The following TREML1 variants were observed in gnomAD, a reference collection of about 807,000 sequenced individuals.
TREML1 encodes triggering receptor expressed on myeloid cells like 1, also known as trem-like transcript 1 protein.
A neutral mutation model predicts 22.8 loss-of-function variants in TREML1; 27 were observed. The ratio of observed to expected loss-of-function variants is 1.19; its 90% CI spans 0.87 to 1.64. The LOEUF is 1.64. Ranked by LOEUF, TREML1 falls within the 40% of genes most tolerant of loss-of-function variation. The probability of loss-of-function intolerance (pLI) is 0.00; values close to 1 mark genes in which losing one functional copy is unlikely to be tolerated. For missense variants in TREML1, 356 were observed against 382.0 expected, an observed-to-expected ratio of 0.93 and a Z score of 0.57; for synonymous variants, 153 against 161.9, an observed-to-expected ratio of 0.94 and a Z score of 0.42.
At chr6:41,150,345 C>T in intron 4 of TREML1, 32 bp from the exon 5 acceptor site, 1 of 1,610,854 alleles carries the variant, frequency 6.2e-7, no homozygotes, top group Non-Finnish European at 8.5e-7. Context: ...GCATAGTCTG[C>T]TTCCGGGGCT....
intron 3 of TREML1, 144 bp downstream of exon 3, chr6:41,151,138 A>ATCTGTCTG (rs774888667): frequency 3.3e-5 from 25 of 762,720 alleles, no homozygotes; most frequent in Non-Finnish European, 4.7e-5. Context: ...AGAAGTATGT[A>ATCTGTCTG]TCTGTCTGTC....
At chr6:41,152,175 G>C (rs546157764) in intron 2 of TREML1, among the ~76,000 whole-genome samples, 1 of 152,288 alleles carries the variant, frequency 6.6e-6, no homozygotes, top group African/African-American at 2.4e-5. Context: ...AGGAACTGGG[G>C]TTGCTGTGGC....
chr6:41,151,122 G>C (rs1430935746), intron 3 of TREML1, among the ~76,000 whole-genome samples, 160 bp downstream of exon 3: 1 of 152,222 alleles, frequency 6.6e-6, no homozygotes, highest in African/African-American at 2.4e-5. Flanking sequence ...TGCTGACCCA[G>C]GACAGAGAAG....
At position 41,149,848 on chromosome 6, in the gene TREML1, T is replaced by G. The variant is rs34254490; in HGVS notation, c.692A>C (p.His231Pro). ...TGAAGGTGGTGAGTCAAGCCTAATG[T>G]GTGGTACATCCAAAGGCAATTCAGC... ...PAAELPLDVP[H>P]IRLDSPPSFD... The change falls in exon 6 of 6, where the codon CAC becomes CCC. Residue 231 changes from histidine to proline, a missense_variant. Physicochemically the swap from His to Pro is moderately conservative, Grantham distance 77. Coordinates refer to ENST00000426005, the MANE Select transcript of TREML1 (RefSeq NM_178174.4). The G allele has an allele frequency of 4.1e-3, 6,655 of 1,614,090 alleles. 223 individuals carry two copies. The African/African-American group carries it at 0.079, about 19-fold the overall frequency.
intron 4 of TREML1, among the ~76,000 whole-genome samples, 190 bp downstream of exon 4, chr6:41,150,629 G>C (rs1478232135): frequency 1.3e-5 from 2 of 151,924 alleles, no homozygotes; most frequent in Non-Finnish European, 2.9e-5. Context: ...TCTGCAGACT[G>C]CTCCCATTGA....
chr6:41,152,650 A>T (rs1185708008), intron 2 of TREML1, among the ~76,000 whole-genome samples: 1 of 152,078 alleles, frequency 6.6e-6, no homozygotes, highest in Non-Finnish European at 1.5e-5. Context: ...AGGCGGGCAG[A>T]TCACTTGAGG....
chr6:41,152,040 G>T (rs1213943288), intron 2 of TREML1, among the ~76,000 whole-genome samples: 1 of 152,214 alleles, frequency 6.6e-6, no homozygotes, highest in Non-Finnish European at 1.5e-5. Flanking sequence ...AGGACTTGGG[G>T]TTGGTTTCTC....
At chr6:41,152,204 G>A (rs542029187) in intron 2 of TREML1, among the ~76,000 whole-genome samples, 1 of 152,102 alleles carries the variant, frequency 6.6e-6, no homozygotes, top group African/African-American at 2.4e-5. Flanking sequence ...TGCCCTCCTG[G>A]TGCCTATTAG....
chr6:41,149,462 C>T lies in TREML1; in HGVS notation c.*142G>A. 1.1e-6 allele frequency: 1 copy of T among 926,564 alleles called. No individual in the cohort carries two copies. The highest frequency in any genetic ancestry group is 1.6e-6 in the Non-Finnish European group (1 of 618,062). 57.4% of individuals were successfully genotyped at this position (926,564 alleles called of 1,614,324 possible). On this transcript the variant is annotated 3_prime_UTR_variant, in exon 6 of 6. Coordinates refer to ENST00000426005, the MANE Select transcript of TREML1 (RefSeq NM_178174.4). The stretch of plus-strand genomic sequence containing the variant: ...TCAGTCATGTCTGAGCGTCACTTTC[C>T]CTAGTAAAGTTAGGACATTGGATTA...
intron 2 of TREML1, among the ~76,000 whole-genome samples, chr6:41,152,554 TA>T (rs1320613478): frequency 1.3e-5 from 2 of 152,112 alleles, no homozygotes; most frequent in African/African-American, 4.8e-5. Flanking sequence ...CAACATAGTC[TA>T]CCCTCTTATT....
Position 41,150,291 on chromosome 6 carries a change from G to A in TREML1, c.591C>T (p.Gly197=). Reference sequence around the variant, plus strand: ...CTGAAACTCTGCTGCTCAGGAATCGGCCACAGACACCAAGCCTGTTCCCTG... The same window carrying A: ...CTGAAACTCTGCTGCTCAGGAATCGACCACAGACACCAAGCCTGTTCCCTG... ...RKQGNRLGVC[G]RFLSSRVSGM... Residue 197 remains glycine, a synonymous_variant, in exon 5 of 6, where the codon GGC becomes GGT. Coordinates refer to ENST00000426005, the MANE Select transcript of TREML1 (RefSeq NM_178174.4). 1 of 1,613,950 alleles carries A rather than the reference G, an allele frequency of 6.2e-7. No individual in the cohort carries two copies. Among genetic ancestry groups the A allele is most frequent in the Non-Finnish European group, 8.5e-7 (1 of 1,179,962 alleles).
intron 2 of TREML1, among the ~76,000 whole-genome samples, chr6:41,152,540 A>G (rs1765287820): frequency 6.6e-6 from 1 of 152,172 alleles, no homozygotes; most frequent in African/African-American, 2.4e-5. Context: ...AAGGATTCTA[A>G]TGACAACATA....
In TREML1 at chr6:41,150,312, C is replaced by T. The variant is rs1342592727; in HGVS notation, c.570G>A (p.Gly190=). 1 of 1,613,856 alleles carries T rather than the reference C, an allele frequency of 6.2e-7. No homozygotes were observed. Among genetic ancestry groups the T allele is most frequent in the African/African-American group, 1.3e-5 (1 of 74,910 alleles). ...ATCGGCCACAGACACCAAGCCTGTTCCCTGGCAGGACAGACAACAGCAGCA... is the reference window on the plus strand; with the variant it reads ...ATCGGCCACAGACACCAAGCCTGTTTCCTGGCAGGACAGACAACAGCAGCA... ...LFAVMAKRKQ[G]NRLGVCGRFL... The change falls in exon 5 of 6, where the codon GGG becomes GGA. Residue 190 remains glycine (G), a splice_region_variant and synonymous_variant. Coordinates refer to ENST00000426005, the MANE Select transcript of TREML1 (RefSeq NM_178174.4).
chr6:41,151,410 A>G, intron 2 of TREML1, 26 bp from the exon 3 acceptor site: 1 of 1,604,164 alleles, frequency 6.2e-7, no homozygotes, highest in Non-Finnish European at 8.5e-7. Context: ...TGGAGTCAGA[A>G]GGAAACATTT....
rs759086379 is a variant in TREML1 at position 41,149,653 on chromosome 6, G to A, written c.887C>T (p.Ser296Leu). 8 of 1,613,962 alleles carry A rather than the reference G, an allele frequency of 5.0e-6. No homozygotes were observed. The highest frequency in any genetic ancestry group is 2.2e-5 in the South Asian group (2 of 91,084). ...FPGGNKGGGTSCGPAQNPPNN... is the reference protein window; with the variant it reads ...FPGGNKGGGTLCGPAQNPPNN... ...AGGTGGATTCTGGGCTGGCCCACAC[G>A]AGGTCCCTCCACCCTTGTTCCCTCC... The change falls in exon 6 of 6, where the codon TCG becomes TTG. Residue 296 changes from serine (S) to leucine (L), a missense_variant. Coordinates refer to ENST00000426005, the MANE Select transcript of TREML1 (RefSeq NM_178174.4).
intron 3 of TREML1, 129 bp from the exon 4 acceptor site, chr6:41,151,036 G>A: frequency 1.2e-6 from 1 of 808,918 alleles, no homozygotes. Context: ...AGAATGAGGG[G>A]AGCTGACTGA....
intron 4 of TREML1, 140 bp from the exon 5 acceptor site, chr6:41,150,453 C>T (rs1582066837): frequency 9.3e-6 from 7 of 753,226 alleles, no homozygotes; most frequent in East Asian, 5.4e-5. Context: ...CAAACCTTTA[C>T]CCCTTCCATC....
chr6:41,150,283 A>G lies in TREML1; in HGVS notation c.599T>C (p.Leu200Pro), dbSNP rs1458973734. 3.1e-6 allele frequency: 5 copies of G among 1,614,072 alleles called. No homozygotes were observed. The highest frequency in any genetic ancestry group is 4.2e-6 in the Non-Finnish European group (5 of 1,180,002). Reference sequence around the variant, plus strand: ...TACCATGCCTGAAACTCTGCTGCTCAGGAATCGGCCACAGACACCAAGCCT... The same window carrying G: ...TACCATGCCTGAAACTCTGCTGCTCGGGAATCGGCCACAGACACCAAGCCT... ...GNRLGVCGRF[L>P]SSRVSGMNPS... Residue 200 changes from leucine (L) to proline (P), a missense_variant, in exon 5 of 6, where the codon CTG becomes CCG. Leu to Pro is a moderately conservative substitution (Grantham distance 98, BLOSUM62 -3). Coordinates refer to ENST00000426005, the MANE Select transcript of TREML1 (RefSeq NM_178174.4).
Position 41,149,576 on chromosome 6 carries a change from C to A in TREML1, c.*28G>T. 1 of 1,585,860 alleles carries A rather than the reference C, an allele frequency of 6.3e-7. No homozygotes were observed. The highest frequency in any genetic ancestry group is 8.6e-7 in the Non-Finnish European group (1 of 1,163,756). On this transcript the variant is annotated 3_prime_UTR_variant, in exon 6 of 6. Transcript: ENST00000426005. Reference sequence around the variant, plus strand: ...ATGCACAGAACCCCTAGGGATGGTCCTCATGAGTTTAAAGTGTGATGAGCA... The same window carrying A: ...ATGCACAGAACCCCTAGGGATGGTCATCATGAGTTTAAAGTGTGATGAGCA...
Sources: allele counts gnomAD v4.1 joint callset (sites outside exome capture counted in the v4.1 genomes callset), GRCh38; gene constraint gnomAD v4.1.1; transcripts MANE v1.5; gene names NCBI Gene and HGNC (gene_info 2026-07-23, HGNC 2026-07-21).